Variants in AGBL1 observed in about 807,000 individuals in gnomAD.
The protein encoded by AGBL1 is cytosolic carboxypeptidase 4.
Under a neutral mutation model 118.9 loss-of-function variants are expected in AGBL1, and 130 were observed. That is an observed-to-expected ratio of 1.09 (90% CI 0.95 to 1.26). AGBL1 has a LOEUF of 1.26. Ranked by LOEUF, AGBL1 falls within the 50% of genes most tolerant of loss-of-function variation. The probability of loss-of-function intolerance (pLI) is 0.00; values close to 1 mark genes in which losing one functional copy is unlikely to be tolerated. For synonymous variants in AGBL1, 555 were observed against 478.9 expected (o/e 1.16, Z -2.08); for missense variants, 1,584 against 1,298.1 (o/e 1.22, Z -3.38).
chr15:86,458,039 CT>C (rs1187725870), intron 18 of AGBL1, among the ~76,000 whole-genome samples: 1 of 149,088 alleles, frequency 6.7e-6, no homozygotes, highest in Non-Finnish European at 1.5e-5. Flanking sequence ...TCCTACTTTC[CT>C]TTTTGGAAGC....
chr15:86,871,011 C>G (rs548213325), intron 22 of AGBL1, among the ~76,000 whole-genome samples: 1 of 152,332 alleles, frequency 6.6e-6, no homozygotes, highest in South Asian at 2.1e-4. Flanking sequence ...GGGATAGTAA[C>G]TCTTATCTGT....
intron 23 of AGBL1, among the ~76,000 whole-genome samples, chr15:86,965,095 T>C (rs922205110): frequency 6.6e-6 from 1 of 152,154 alleles, no homozygotes; most frequent in Non-Finnish European, 1.5e-5. Flanking sequence ...TAAACATACA[T>C]GTGCATGTAT....
intron 1 of AGBL1, among the ~76,000 whole-genome samples, chr15:86,104,602 G>A (rs1896926901): frequency 6.6e-6 from 1 of 152,150 alleles, no homozygotes; most frequent in Non-Finnish European, 1.5e-5. Flanking sequence ...GGAGTGGCAG[G>A]CTTGTTGCCA....
At chr15:86,375,936 G>A (rs150785984) in intron 17 of AGBL1, among the ~76,000 whole-genome samples, 23 of 152,322 alleles carry the variant, frequency 1.5e-4, no homozygotes, top group Middle Eastern at 6.8e-3. Flanking sequence ...CCTATTTGAC[G>A]CATTCACATT....
At chr15:86,750,336 T>A (rs2077830290) in intron 22 of AGBL1, among the ~76,000 whole-genome samples, 1 of 152,112 alleles carries the variant, frequency 6.6e-6, no homozygotes, top group Non-Finnish European at 1.5e-5. Context: ...TTTCAATACC[T>A]GTATACAATG....
chr15:86,810,369 AC>A (rs2141366821), intron 22 of AGBL1, among the ~76,000 whole-genome samples: 1 of 152,136 alleles, frequency 6.6e-6, no homozygotes, highest in African/African-American at 2.4e-5. Context: ...AGGGAGAATG[AC>A]CCTTTCACCT....
chr15:86,482,825 A>G (rs2082669539), intron 18 of AGBL1, among the ~76,000 whole-genome samples: 1 of 152,064 alleles, frequency 6.6e-6, no homozygotes, highest in South Asian at 2.1e-4. Context: ...AATCATTCCA[A>G]CAAAAGCTTC....
At chr15:86,680,658 C>G (rs148711480) in intron 22 of AGBL1, among the ~76,000 whole-genome samples, 2,654 of 148,770 alleles carry the variant, frequency 0.018, 88 homozygotes, top group African/African-American at 0.062. Context: ...CCTCTGCCTC[C>G]TGGGTACAAG....
intron 21 of AGBL1, among the ~76,000 whole-genome samples, chr15:86,635,287 C>CCCCCTCCCCCTCCCCCTCCTT (rs2085059671): frequency 1.5e-5 from 1 of 66,806 alleles, no homozygotes; most frequent in Non-Finnish European, 2.8e-5. Flanking sequence ...TCCTTCCCCT[C>CCCCCTCCCCCTCCCCCTCCTT]CCCCTCCCCC....
chr15:86,602,799 G>C (rs1352300538), intron 21 of AGBL1, among the ~76,000 whole-genome samples: 1 of 152,110 alleles, frequency 6.6e-6, no homozygotes, highest in African/African-American at 2.4e-5. Context: ...AAAAAATAAG[G>C]CTTGGAGGGA....
chr15:86,179,405 C>T (rs80355451), intron 5 of AGBL1, among the ~76,000 whole-genome samples: 7,654 of 152,188 alleles, frequency 0.05, 287 homozygotes, highest in Non-Finnish European at 0.076. Context: ...ACTAGTTTAA[C>T]ACGTGTAGAA....
At chr15:86,999,216 T>A (rs28595708) in intron 24 of AGBL1, among the ~76,000 whole-genome samples, 1,775 of 149,036 alleles carry the variant, frequency 0.012, 59 homozygotes, top group African/African-American at 0.042. Flanking sequence ...TATAAAATTT[T>A]TATATATATA....
intron 21 of AGBL1, among the ~76,000 whole-genome samples, chr15:86,569,158 G>C (rs78301612): frequency 6.6e-6 from 1 of 152,094 alleles, no homozygotes; most frequent in East Asian, 1.9e-4. Context: ...GCTGCTGGGC[G>C]CAATGGCTCA....
intron 19 of AGBL1, among the ~76,000 whole-genome samples, chr15:86,544,648 T>C (rs1316160851): frequency 6.6e-6 from 1 of 152,128 alleles, no homozygotes; most frequent in African/African-American, 2.4e-5. Flanking sequence ...ATGACACTTA[T>C]TCGCTATCAG....
chr15:86,579,100 C>T (rs536769950), intron 21 of AGBL1, among the ~76,000 whole-genome samples: 7 of 152,228 alleles, frequency 4.6e-5, no homozygotes, highest in East Asian at 3.9e-4. Context: ...ATTTCAGTGG[C>T]GTCCTAAATG....
intron 5 of AGBL1, among the ~76,000 whole-genome samples, chr15:86,204,974 C>G (rs1363582403): frequency 6.6e-6 from 1 of 152,150 alleles, no homozygotes; most frequent in East Asian, 1.9e-4. Context: ...GTTGTACATT[C>G]TCTGGGTTTG....
chr15:86,510,424 T>C (rs2083040303), intron 18 of AGBL1, among the ~76,000 whole-genome samples: 1 of 152,074 alleles, frequency 6.6e-6, no homozygotes, highest in African/African-American at 2.4e-5. Flanking sequence ...TAAAACCCCA[T>C]GCATTCTTCC....
intron 21 of AGBL1, among the ~76,000 whole-genome samples, chr15:86,654,440 C>A (rs2085429394): frequency 6.6e-6 from 1 of 152,178 alleles, no homozygotes; most frequent in Non-Finnish European, 1.5e-5. Context: ...TGGGCTGGAA[C>A]TATTAATAGC....
At chr15:86,922,556 T>C (rs4887520) in intron 23 of AGBL1, among the ~76,000 whole-genome samples, 106,120 of 152,162 alleles carry the variant, frequency 0.7, 37,750 homozygotes, top group South Asian at 0.9. Flanking sequence ...CCTCCCAAAA[T>C]GTTGGAATTA....
Sources: allele counts gnomAD v4.1 joint callset (sites outside exome capture counted in the v4.1 genomes callset), GRCh38; gene constraint gnomAD v4.1.1; transcripts MANE v1.5; gene names NCBI Gene and HGNC (gene_info 2026-07-23, HGNC 2026-07-21).